The following SETD5 variants were observed in gnomAD, a reference collection of about 807,000 sequenced individuals.
SETD5 encodes SET domain containing 5.
Under a neutral mutation model 153.3 loss-of-function variants are expected in SETD5, and 44 were observed. That is an observed-to-expected ratio of 0.29 (90% confidence interval 0.23 to 0.37). The LOEUF is 0.37. Ranked by LOEUF, SETD5 falls within the 10% of genes least tolerant of loss-of-function variation. The pLI, the probability that SETD5 is intolerant of heterozygous loss-of-function variation, is 1.00. For missense variants in SETD5, 1,544 were observed against 1,768.0 expected (o/e 0.87, Z 2.27); for synonymous variants, 716 against 645.2 (o/e 1.11, Z -1.66).
At chr3:9,412,435 C>T (rs916903936) in intron 1 of SETD5, among the ~76,000 whole-genome samples, 8 of 123,702 alleles carry the variant, frequency 6.5e-5, no homozygotes, top group Admixed American at 9.9e-5. Flanking sequence ...CAAGGTCCTA[C>T]TCTGTCGCCC....
chr3:9,445,398 A>G, intron 12 of SETD5, 98 bp downstream of exon 12: 1 of 1,283,668 alleles, frequency 7.8e-7, no homozygotes, highest in Non-Finnish European at 1.1e-6. Context: ...AGCTATAGTA[A>G]CACTTAGTGC....
chr3:9,435,626 A>G, intron 6 of SETD5, 102 bp from the exon 7 acceptor site: 1 of 1,052,778 alleles, frequency 9.5e-7, no homozygotes, highest in Non-Finnish European at 1.3e-6. Flanking sequence ...TAATAGTGGA[A>G]GTAATGGCTT....
chr3:9,411,754 C>G (rs1478952581), intron 1 of SETD5, among the ~76,000 whole-genome samples: 1 of 152,158 alleles, frequency 6.6e-6, no homozygotes, highest in Non-Finnish European at 1.5e-5. Flanking sequence ...GATCAGTTCT[C>G]TAAACTCTGT....
Position 9,470,570 on chromosome 3 carries a change from C to G in SETD5, c.2836C>G (p.Pro946Ala). ...CAACTCAGGTCATTCTGACCTGGCT[C>G]CTCATCCCTCCCTCGGACCCACTTC... ...LLNSGHSDLA[P>A]HPSLGPTSET... Residue 946 changes from proline to alanine, a missense_variant, in exon 19 of 23, where the codon CCT becomes GCT. By Grantham distance (27) the Pro-to-Ala change is conservative. Around this residue, in one of 9 missense-constraint regions of SETD5, gnomAD observed 782 missense variants for 787.2 expected, o/e 0.99. Transcript: ENST00000402198. 6.2e-7 allele frequency: 1 copy of G among 1,614,018 alleles called. No individual in the cohort carries two copies. The highest frequency in any genetic ancestry group is 8.5e-7 in the Non-Finnish European group (1 of 1,179,898).
intron 13 of SETD5, 114 bp from the exon 14 acceptor site, chr3:9,446,936 T>G (rs2042090362): frequency 1.5e-6 from 1 of 687,172 alleles, no homozygotes; most frequent in East Asian, 2.8e-5. Flanking sequence ...ATATGTGTCA[T>G]CTTACTGGTA....
chr3:9,432,507 T>C (rs1034196807), intron 3 of SETD5, among the ~76,000 whole-genome samples: 5 of 152,214 alleles, frequency 3.3e-5, no homozygotes, highest in African/African-American at 1.2e-4. Context: ...GACCCATTAA[T>C]CTCTAAGTTA....
At chr3:9,462,602 GA>G (rs1424846986) in intron 17 of SETD5, among the ~76,000 whole-genome samples, 1 of 141,006 alleles carries the variant, frequency 7.1e-6, no homozygotes, top group Admixed American at 7.2e-5. Flanking sequence ...AAAAAAAAAA[GA>G]AAAAAAGAAT....
chr3:9,405,228 C>T (rs2035465934), intron 1 of SETD5, among the ~76,000 whole-genome samples: 1 of 152,174 alleles, frequency 6.6e-6, no homozygotes, highest in South Asian at 2.1e-4. Flanking sequence ...CGTTCACAGT[C>T]ATTATTACCA....
chr3:9,412,848 C>G (rs928530973), intron 1 of SETD5, among the ~76,000 whole-genome samples: 1 of 151,224 alleles, frequency 6.6e-6, no homozygotes, highest in Non-Finnish European at 1.5e-5. Flanking sequence ...ATTAGTTGGT[C>G]ATTGTCGATA....
At chr3:9,428,060 A>C (rs536778090) in intron 2 of SETD5, among the ~76,000 whole-genome samples, 55 of 152,210 alleles carry the variant, frequency 3.6e-4, no homozygotes, top group Non-Finnish European at 6.6e-4. Context: ...AAAAGTAGTC[A>C]ACTTTTTTAG....
intron 13 of SETD5, among the ~76,000 whole-genome samples, chr3:9,446,324 A>T (rs1306394298): frequency 6.6e-6 from 1 of 151,432 alleles, no homozygotes; most frequent in Admixed American, 6.6e-5. Flanking sequence ...TTTCCGAAAA[A>T]CTGGCTGGTC....
chr3:9,421,590 A>G (rs1382870571), intron 1 of SETD5, among the ~76,000 whole-genome samples: 2 of 152,320 alleles, frequency 1.3e-5, no homozygotes, highest in East Asian at 3.9e-4. Flanking sequence ...ATTCTCATAC[A>G]AGGTAAAGTC....
intron 1 of SETD5, among the ~76,000 whole-genome samples, chr3:9,419,025 T>G: frequency 6.6e-6 from 1 of 151,818 alleles, no homozygotes; most frequent in East Asian, 2.0e-4. Context: ...CGGGGTTTCA[T>G]CATCTTGGCC....
chr3:9,467,199 C>CAAAAAAAAAAAAAAAAAAAAAAAAA (rs35894304), intron 18 of SETD5, among the ~76,000 whole-genome samples: 4 of 40,860 alleles, frequency 9.8e-5, no homozygotes, highest in Non-Finnish European at 1.1e-4. Flanking sequence ...GACTCTCTCT[C>CAAAAAAAAAAAAAAAAAAAAAAAAA]AAAAAAAAAA....
chr3:9,461,663 A>G (rs569251827), intron 17 of SETD5, among the ~76,000 whole-genome samples: 1 of 152,340 alleles, frequency 6.6e-6, no homozygotes, highest in African/African-American at 2.4e-5. Context: ...TGTTGAATAC[A>G]GTATCATAAT....
At position 9,445,242 on chromosome 3, in the gene SETD5, A is replaced by C; in HGVS notation, c.1382A>C (p.Asn461Thr). ...MEQQNEASEE[N>T]NDQQSQEVPE... ...CAGCAGAATGAGGCTTCAGAGGAGAATAATGACCAGCAATCACAAGAAGTT... is the reference window on the plus strand; with the variant it reads ...CAGCAGAATGAGGCTTCAGAGGAGACTAATGACCAGCAATCACAAGAAGTT... Residue 461 changes from asparagine to threonine, a missense_variant, in exon 12 of 23, where the codon AAT becomes ACT. By Grantham distance (65) the Asn-to-Thr change is moderately conservative. Coordinates refer to ENST00000402198, the MANE Select transcript of SETD5 (RefSeq NM_001080517.3). 1 of 1,612,104 alleles carries C rather than the reference A, an allele frequency of 6.2e-7. No homozygotes were observed. The highest frequency in any genetic ancestry group is 1.3e-5 in the African/African-American group (1 of 75,046).
intron 10 of SETD5, 107 bp downstream of exon 10, chr3:9,442,352 C>T (rs1186899586): frequency 9.1e-6 from 7 of 770,528 alleles, no homozygotes; most frequent in African/African-American, 3.4e-5. Flanking sequence ...AGATAATAGT[C>T]GTGATATTTC....
chr3:9,446,998 C>T, intron 13 of SETD5, 52 bp from the exon 14 acceptor site: 1 of 1,336,670 alleles, frequency 7.5e-7, no homozygotes. Flanking sequence ...TAAAAGCTAT[C>T]CACTCGTCCT....
intron 18 of SETD5, among the ~76,000 whole-genome samples, chr3:9,466,152 G>T (rs1274903935): frequency 6.6e-6 from 1 of 151,944 alleles, no homozygotes; most frequent in Non-Finnish European, 1.5e-5. Flanking sequence ...GCCGGGCGTG[G>T]TAGTGGGCGC....
Sources: gnomAD v4.1 joint callset for allele counts (sites outside exome capture counted in the v4.1 genomes callset) on GRCh38, gnomAD v4.1.1 for gene constraint, gnomAD v4.1.1 regional missense constraint, MANE v1.5 for transcripts, NCBI Gene and HGNC (gene_info 2026-07-23, HGNC 2026-07-21) for gene names.